Variants in CSMD3 observed in about 807,000 individuals in gnomAD.
The protein encoded by CSMD3 is CUB and sushi domain-containing protein 3.
CSMD3 carries 177 observed loss-of-function variants against 435.2 expected under a neutral mutation model. The observed-to-expected ratio is 0.41, with a 90% CI of 0.36 to 0.46. The LOEUF is 0.46. CSMD3 is among the 20% of genes least tolerant of loss of function. CSMD3 has a pLI of 0.34. For missense variants in CSMD3, 4,265 were observed against 4,504.6 expected (o/e 0.95, Z 1.52); for synonymous variants, 1,656 against 1,520.5 (o/e 1.09, Z -2.07).
chr8:112,592,208 G>C (rs1312182849), intron 22 of CSMD3, among the ~76,000 whole-genome samples: 1 of 151,764 alleles, frequency 6.6e-6, no homozygotes, highest in Non-Finnish European at 1.5e-5. Context: ...ATAATACTTG[G>C]ATTTTCAGAA....
chr8:112,292,453 G>A (rs1819858821), intron 55 of CSMD3, 84 bp downstream of exon 55: 3 of 1,391,968 alleles, frequency 2.2e-6, no homozygotes, highest in Non-Finnish European at 3.1e-6. Flanking sequence ...TTACTATTCT[G>A]CTCAAGCTGT....
chr8:112,326,451 C>T (rs1035471181), intron 45 of CSMD3, among the ~76,000 whole-genome samples: 3 of 152,124 alleles, frequency 2.0e-5, no homozygotes, highest in African/African-American at 7.2e-5. Context: ...TCTGCTTCAG[C>T]TATCTCATCT....
chr8:113,274,293 A>C (rs2093552975), intron 3 of CSMD3, among the ~76,000 whole-genome samples: 1 of 152,114 alleles, frequency 6.6e-6, no homozygotes, highest in Admixed American at 6.6e-5. Flanking sequence ...CTAGAAAATT[A>C]ATTTTAAACA....
chr8:112,889,055 G>T (rs1374567026), intron 10 of CSMD3, among the ~76,000 whole-genome samples: 1 of 151,614 alleles, frequency 6.6e-6, no homozygotes, highest in African/African-American at 2.4e-5. Context: ...TTTTAAAACT[G>T]AAAGCAAATC....
chr8:112,777,547 T>C (rs2078276820), intron 13 of CSMD3, among the ~76,000 whole-genome samples: 1 of 151,820 alleles, frequency 6.6e-6, no homozygotes, highest in Non-Finnish European at 1.5e-5. Flanking sequence ...ATAATTCAAT[T>C]TGAGTTTCTA....
intron 32 of CSMD3, among the ~76,000 whole-genome samples, chr8:112,429,010 A>G (rs1813376194): frequency 6.6e-6 from 1 of 152,144 alleles, no homozygotes; most frequent in African/African-American, 2.4e-5. Context: ...GTCAACTAGC[A>G]TATGCATCAC....
chr8:112,362,374 C>T (rs917718803), intron 38 of CSMD3, among the ~76,000 whole-genome samples: 6 of 151,954 alleles, frequency 3.9e-5, no homozygotes, highest in African/African-American at 1.4e-4. Context: ...ATCCTTAATA[C>T]TTTATTTACT....
intron 4 of CSMD3, among the ~76,000 whole-genome samples, chr8:113,101,715 C>G (rs2090335622): frequency 1.3e-5 from 2 of 152,052 alleles, no homozygotes; most frequent in Non-Finnish European, 2.9e-5. Context: ...GTTCCTCCAG[C>G]ATTCAAACCA....
intron 3 of CSMD3, among the ~76,000 whole-genome samples, chr8:113,211,651 T>C (rs1375027508): frequency 6.6e-6 from 1 of 152,068 alleles, no homozygotes; most frequent in Non-Finnish European, 1.5e-5. Context: ...ATCGCACCAC[T>C]GCACTCCAGC....
intron 47 of CSMD3, 59 bp from the exon 48 acceptor site, chr8:112,314,676 T>C: frequency 8.7e-7 from 1 of 1,147,558 alleles, no homozygotes. Context: ...GTGAAAACTG[T>C]ATTTTAGATA....
intron 32 of CSMD3, among the ~76,000 whole-genome samples, chr8:112,454,838 C>G (rs998113306): frequency 6.6e-6 from 1 of 151,774 alleles, no homozygotes. Flanking sequence ...AAAAAAAAAT[C>G]TAAAAAACTG....
At chr8:113,056,431 T>C (rs891006722) in intron 5 of CSMD3, among the ~76,000 whole-genome samples, 2 of 152,226 alleles carry the variant, frequency 1.3e-5, no homozygotes, top group African/African-American at 2.4e-5. Context: ...TGCTAAACAA[T>C]ATATTCAAAT....
intron 10 of CSMD3, among the ~76,000 whole-genome samples, chr8:112,871,297 A>G (rs2081128414): frequency 6.6e-6 from 1 of 152,226 alleles, no homozygotes; most frequent in Non-Finnish European, 1.5e-5. Flanking sequence ...CAAAGCCTAT[A>G]TTAACTTGAA....
chr8:113,080,664 G>A (rs954399433), intron 5 of CSMD3, among the ~76,000 whole-genome samples: 1 of 152,116 alleles, frequency 6.6e-6, no homozygotes, highest in African/African-American at 2.4e-5. Context: ...AAAAAGCACA[G>A]AGTCAGTGAA....
At chr8:112,257,959 G>A (rs1272185818) in intron 61 of CSMD3, among the ~76,000 whole-genome samples, 5 of 151,990 alleles carry the variant, frequency 3.3e-5, no homozygotes, top group Non-Finnish European at 7.4e-5. Context: ...CAGAACAGAG[G>A]CCTCAGAAAT....
chr8:112,333,556 G>C (rs1233331860), intron 45 of CSMD3, among the ~76,000 whole-genome samples: 1 of 152,024 alleles, frequency 6.6e-6, no homozygotes, highest in East Asian at 1.9e-4. Context: ...TTTGAAATGA[G>C]GATATATGTT....
chr8:112,652,440 T>C (rs2075151292), intron 18 of CSMD3, among the ~76,000 whole-genome samples: 1 of 152,222 alleles, frequency 6.6e-6, no homozygotes, highest in Admixed American at 6.5e-5. Flanking sequence ...AGTGGTCATA[T>C]ACAATGTAAA....
intron 27 of CSMD3, among the ~76,000 whole-genome samples, chr8:112,520,703 A>T (rs2131010413): frequency 6.6e-6 from 1 of 152,178 alleles, no homozygotes; most frequent in South Asian, 2.1e-4. Context: ...AATAAAATTT[A>T]TTCATATACA....
intron 4 of CSMD3, among the ~76,000 whole-genome samples, chr8:113,134,399 T>G (rs1424524908): frequency 6.6e-6 from 1 of 152,036 alleles, no homozygotes; most frequent in Non-Finnish European, 1.5e-5. Flanking sequence ...ATTTTAGTTT[T>G]AAGAGCATGA....
Sources: gnomAD v4.1 joint callset for allele counts (sites outside exome capture counted in the v4.1 genomes callset) on GRCh38, gnomAD v4.1.1 for gene constraint, MANE v1.5 for transcripts, NCBI Gene and HGNC (gene_info 2026-07-23, HGNC 2026-07-21) for gene names.